RAP1GDS1: variants seen among roughly 807,000 people sequenced by gnomAD.
RAP1GDS1 encodes the protein Rap1 GTPase-GDP dissociation stimulator 1, also known as RAP1, GTP-GDP dissociation stimulator 1.
A neutral mutation model predicts 71.1 loss-of-function variants in RAP1GDS1; 35 were observed. The ratio of observed to expected loss-of-function variants is 0.49; its 90% CI spans 0.38 to 0.65. RAP1GDS1 has a LOEUF of 0.65. Ranked by LOEUF, RAP1GDS1 falls within the 30% of genes least tolerant of loss-of-function variation. The pLI, the probability that RAP1GDS1 is intolerant of heterozygous loss-of-function variation, is 0.00. For synonymous variants in RAP1GDS1, 229 were observed against 243.1 expected (o/e 0.94, Z 0.54); for missense variants, 663 against 706.1 (o/e 0.94, Z 0.69).
At chr4:98,423,519 G>GAGACAGA (rs1749171966) in intron 12 of RAP1GDS1, among the ~76,000 whole-genome samples, 3 of 151,870 alleles carry the variant, frequency 2.0e-5, no homozygotes, top group Admixed American at 2.0e-4. Flanking sequence ...GGGTTTTTTT[G>GAGACAGA]TTTTCTTTAT....
chr4:98,388,942 T>A (rs1743186496), intron 5 of RAP1GDS1, among the ~76,000 whole-genome samples: 1 of 140,764 alleles, frequency 7.1e-6, no homozygotes, highest in African/African-American at 3.1e-5. Flanking sequence ...TATTATATGT[T>A]AACAGAAATA....
chr4:98,382,764 A>G (rs936295830), intron 5 of RAP1GDS1, among the ~76,000 whole-genome samples: 2 of 151,600 alleles, frequency 1.3e-5, no homozygotes, highest in African/African-American at 4.8e-5. Flanking sequence ...TAAAATTTTC[A>G]TTAGCAAATT....
At chr4:98,335,288 A>G (rs921418719) in intron 2 of RAP1GDS1, among the ~76,000 whole-genome samples, 3 of 152,168 alleles carry the variant, frequency 2.0e-5, no homozygotes, top group African/African-American at 7.2e-5. Context: ...AGGATCAATA[A>G]TAAGAGTGAG....
At chr4:98,388,688 C>T (rs763173147) in intron 5 of RAP1GDS1, among the ~76,000 whole-genome samples, 3 of 152,078 alleles carry the variant, frequency 2.0e-5, no homozygotes, top group East Asian at 1.9e-4. Flanking sequence ...ATCACACCAC[C>T]GCACTCCAGC....
intron 4 of RAP1GDS1, among the ~76,000 whole-genome samples, chr4:98,359,833 C>T (rs1738463348): frequency 6.6e-6 from 1 of 152,098 alleles, no homozygotes; most frequent in African/African-American, 2.4e-5. Context: ...GAAGCCATTA[C>T]AGGAGGCCGG....
At chr4:98,319,840 G>A (rs76372429) in intron 2 of RAP1GDS1, among the ~76,000 whole-genome samples, 6,566 of 148,698 alleles carry the variant, frequency 0.044, 347 homozygotes, top group African/African-American at 0.13. Context: ...CCTCTTATAA[G>A]CAGATTCTTT....
chr4:98,316,199 G>C (rs1383622936), intron 2 of RAP1GDS1, among the ~76,000 whole-genome samples: 1 of 152,022 alleles, frequency 6.6e-6, no homozygotes, highest in Admixed American at 6.6e-5. Flanking sequence ...TGAAATCATT[G>C]GTCTTTTTTT....
chr4:98,295,028 G>A (rs940830095), intron 2 of RAP1GDS1, among the ~76,000 whole-genome samples: 2 of 151,890 alleles, frequency 1.3e-5, no homozygotes, highest in Non-Finnish European at 2.9e-5. Flanking sequence ...CATATTCTTG[G>A]TCATCTGTAG....
At chr4:98,295,356 G>A (rs1419653621) in intron 2 of RAP1GDS1, among the ~76,000 whole-genome samples, 1 of 152,088 alleles carries the variant, frequency 6.6e-6, no homozygotes, top group Non-Finnish European at 1.5e-5. Flanking sequence ...CAAAAGGAAT[G>A]TCTTGTTAAC....
chr4:98,272,805 A>G (rs116619041), intron 1 of RAP1GDS1, among the ~76,000 whole-genome samples: 1 of 152,284 alleles, frequency 6.6e-6, no homozygotes, highest in African/African-American at 2.4e-5. Flanking sequence ...CAGTTGCCAT[A>G]TAAAATCCAC....
chr4:98,331,702 C>T (rs1403845308), intron 2 of RAP1GDS1, among the ~76,000 whole-genome samples: 1 of 152,072 alleles, frequency 6.6e-6, no homozygotes, highest in East Asian at 1.9e-4. Context: ...CTTAATATCT[C>T]TACAAGATGA....
intron 3 of RAP1GDS1, among the ~76,000 whole-genome samples, chr4:98,345,957 T>G (rs1434960280): frequency 1.3e-5 from 2 of 152,128 alleles, no homozygotes; most frequent in African/African-American, 4.8e-5. Flanking sequence ...TTGAACTGCT[T>G]TATGTCTGTT....
chr4:98,367,813 G>A (rs1402758170), intron 4 of RAP1GDS1, among the ~76,000 whole-genome samples: 2 of 152,164 alleles, frequency 1.3e-5, no homozygotes, highest in Non-Finnish European at 2.9e-5. Context: ...AATGCCTATA[G>A]CCCCATTGTA....
intron 5 of RAP1GDS1, among the ~76,000 whole-genome samples, chr4:98,381,636 T>G (rs1463529875): frequency 2.0e-5 from 3 of 151,556 alleles, no homozygotes; most frequent in African/African-American, 7.3e-5. Flanking sequence ...TAAGTGAAGT[T>G]TCTTTTTATA....
intron 2 of RAP1GDS1, among the ~76,000 whole-genome samples, chr4:98,338,440 A>G (rs1735006266): frequency 6.6e-6 from 1 of 152,182 alleles, no homozygotes; most frequent in Non-Finnish European, 1.5e-5. Flanking sequence ...GATCACCCAA[A>G]GCAGCATAGG....
intron 2 of RAP1GDS1, among the ~76,000 whole-genome samples, chr4:98,327,238 A>G (rs1343769355): frequency 6.6e-6 from 1 of 152,234 alleles, no homozygotes; most frequent in African/African-American, 2.4e-5. Context: ...ATATTTAGGA[A>G]TAGGGCATTG....
intron 1 of RAP1GDS1, among the ~76,000 whole-genome samples, chr4:98,281,914 T>G (rs1229361667): frequency 6.6e-6 from 1 of 152,212 alleles, no homozygotes; most frequent in East Asian, 1.9e-4. Flanking sequence ...ATTACATTTA[T>G]TGATTTGCGT....
intron 1 of RAP1GDS1, among the ~76,000 whole-genome samples, chr4:98,285,171 G>A (rs1163253251): frequency 6.6e-6 from 1 of 152,150 alleles, no homozygotes; most frequent in Non-Finnish European, 1.5e-5. Context: ...GCAATAGATT[G>A]CTATTGAAAT....
chr4:98,276,665 AATGGC>A (rs1476880814), intron 1 of RAP1GDS1, among the ~76,000 whole-genome samples: 1 of 152,166 alleles, frequency 6.6e-6, no homozygotes, highest in Non-Finnish European at 1.5e-5. Flanking sequence ...AAACATGATG[AATGGC>A]ATCTAACACT....
Sources: gnomAD v4.1 joint callset for allele counts (sites outside exome capture counted in the v4.1 genomes callset) on GRCh38, gnomAD v4.1.1 for gene constraint, MANE v1.5 for transcripts, NCBI Gene and HGNC (gene_info 2026-07-23, HGNC 2026-07-21) for gene names.